Variants in RUBCNL observed in about 807,000 individuals in gnomAD.
RUBCNL encodes protein associated with UVRAG as autophagy enhancer.
A neutral mutation model predicts 69.5 loss-of-function variants in RUBCNL; 62 were observed. That is an observed-to-expected ratio of 0.89 (90% CI 0.73 to 1.10). The LOEUF is 1.10. Ranked by LOEUF, RUBCNL falls within the 50% of genes least tolerant of loss-of-function variation. The pLI is 0.00. For missense variants in RUBCNL, 768 were observed against 798.1 expected, an observed-to-expected ratio of 0.96 and a Z score of 0.45; for synonymous variants, 291 against 303.6, an observed-to-expected ratio of 0.96 and a Z score of 0.43.
At position 46,361,442 on chromosome 13, in the gene RUBCNL, A is replaced by G. The variant is rs746860019; in HGVS notation, c.1118T>C (p.Ile373Thr). The stretch of plus-strand genomic sequence containing the variant: ...AGGTCAATTTTTTTTGATACTTACT[A>G]TCGAGCCAGCTGCACTCAGGGAACC... ...LAGSLSAAGS[I>T]VVNEECVRKD... The change falls in exon 8 of 15, where the codon ATA (isoleucine) becomes ACA (threonine). Residue 373 changes from isoleucine (I) to threonine (T), a missense_variant and splice_region_variant. Coordinates refer to ENST00000429979, the MANE Select transcript of RUBCNL (RefSeq NM_025113.5). 4 of 1,613,502 alleles carry G rather than the reference A, an allele frequency of 2.5e-6. No individual in the cohort carries two copies. In the South Asian group the frequency reaches 3.3e-5, roughly 13 times the overall value.
At chr13:46,369,036 G>C (rs541571467) in intron 3 of RUBCNL, among the ~76,000 whole-genome samples, 1 of 152,276 alleles carries the variant, frequency 6.6e-6, no homozygotes, top group East Asian at 1.9e-4. Flanking sequence ...GGAGTAACTG[G>C]GAGGTATCCT....
At chr13:46,349,924 TCCG>T (rs1165756663) in intron 11 of RUBCNL, among the ~76,000 whole-genome samples, 186 bp downstream of exon 11, 2 of 151,994 alleles carry the variant, frequency 1.3e-5, no homozygotes, top group African/African-American at 4.8e-5. Context: ...CCTCAGGCAA[TCCG>T]CCCACCTTGG....
chr13:46,348,333 T>C (rs930417401), intron 12 of RUBCNL, among the ~76,000 whole-genome samples: 8 of 152,182 alleles, frequency 5.3e-5, no homozygotes, highest in African/African-American at 1.9e-4. Flanking sequence ...AGATGGTAAA[T>C]TTTATATGTA....
At position 46,335,164 on chromosome 13, in the gene RUBCNL, G is replaced by T. The variant is rs752117992; in HGVS notation, c.*8221C>A. On this transcript the variant is annotated 3_prime_UTR_variant, in exon 15 of 15. Coordinates refer to ENST00000429979, the MANE Select transcript of RUBCNL (RefSeq NM_025113.5). ...ACTACAGCCTCAAACTCCTGGGCTC[G>T]ATCGATCCTCCCACCTCAGCCTCCT... 1.3e-5 allele frequency among the ~76,000 whole-genome samples: 2 copies of T among 150,884 alleles called. No individual in the cohort carries two copies. Among genetic ancestry groups the T allele is most frequent in the East Asian group, 1.9e-4 (1 of 5,160 alleles).
At chr13:46,351,219 C>T (rs2048362493) in intron 10 of RUBCNL, among the ~76,000 whole-genome samples, 1 of 152,150 alleles carries the variant, frequency 6.6e-6, no homozygotes. Flanking sequence ...CATCATGTCA[C>T]TGCATTCCAT....
chr13:46,387,831 C>A (rs776074656), upstream of RUBCNL: 1 of 985,584 alleles, frequency 1.0e-6, no homozygotes, highest in Non-Finnish European at 1.2e-6. Flanking sequence ...GGAATCCCAT[C>A]ACGGGTGTGC....
chr13:46,387,435 G>T, upstream of RUBCNL: 13 of 985,400 alleles, frequency 1.3e-5, no homozygotes, highest in Non-Finnish European at 1.4e-5. Context: ...TCCTACACCG[G>T]TGCCGCGGCG....
intron 5 of RUBCNL, among the ~76,000 whole-genome samples, chr13:46,363,542 T>C (rs1463460237): frequency 1.3e-5 from 2 of 152,122 alleles, no homozygotes; most frequent in Non-Finnish European, 2.9e-5. Flanking sequence ...AATCACACGA[T>C]TAAATACTAT....
intron 9 of RUBCNL, among the ~76,000 whole-genome samples, chr13:46,357,927 G>C (rs1208445836): frequency 6.6e-6 from 1 of 152,138 alleles, no homozygotes; most frequent in South Asian, 2.1e-4. Context: ...CACTGTGCCC[G>C]GCCTGAGGGA....
At chr13:46,357,944 A>G (rs899326234) in intron 9 of RUBCNL, among the ~76,000 whole-genome samples, 1 of 152,154 alleles carries the variant, frequency 6.6e-6, no homozygotes, top group Admixed American at 6.5e-5. Flanking sequence ...GGGATTTTCT[A>G]TTGAACTGTT....
chr13:46,361,625 T>C, intron 7 of RUBCNL, 52 bp from the exon 8 acceptor site: 1 of 1,540,154 alleles, frequency 6.5e-7, no homozygotes, highest in East Asian at 2.4e-5. Context: ...GAGGAGTATG[T>C]TCAGGGTCTT....
intron 2 of RUBCNL, among the ~76,000 whole-genome samples, chr13:46,372,977 CT>C (rs113547115): frequency 3.4e-3 from 498 of 144,872 alleles, no homozygotes; most frequent in Admixed American, 3.2e-3. Context: ...TTCTTTCTTT[CT>C]TTTTTTTTTT....
In RUBCNL at chr13:46,345,531, GTCC is replaced by G; in HGVS notation, c.1698_1700del (p.Glu566del). On this transcript the variant is annotated inframe_deletion, in exon 13 of 15. Transcript: ENST00000429979. ...GCAGCCCTTTCTTGATCCTGACCAG[GTCC>G]TCAAGGGAGAACAGGTGGAGCTCAT... 6.2e-7 allele frequency: 1 copy of G among 1,612,862 alleles called. No homozygotes were observed.
Position 46,350,309 on chromosome 13 carries a change from T to A in RUBCNL, c.1373A>T (p.Tyr458Phe). Reference sequence around the variant, plus strand: ...ATATGAGTGGCAGCAGTCACAGAAATACTTCCCTAGGTATTCGCAGTACCG... The same window carrying A: ...ATATGAGTGGCAGCAGTCACAGAAAAACTTCCCTAGGTATTCGCAGTACCG... Reference protein sequence around the residue: ...RLRYCEYLGKYFCDCCHSYAE... With the variant: ...RLRYCEYLGKFFCDCCHSYAE... Residue 458 changes from tyrosine (Y) to phenylalanine (F), a missense_variant, in exon 11 of 15, where the codon TAT becomes TTT. By Grantham distance (22) the Tyr-to-Phe change is conservative (BLOSUM62 3). Transcript: ENST00000429979. 1.3e-6 allele frequency: 2 copies of A among 1,570,832 alleles called. No individual in the cohort carries two copies. Among genetic ancestry groups the A allele is most frequent in the Non-Finnish European group, 1.7e-6 (2 of 1,156,822 alleles).
rs866123788 is a variant in RUBCNL, at chr13:46,363,210, C to G, written c.830G>C (p.Cys277Ser). 1.3e-6 allele frequency: 2 copies of G among 1,495,532 alleles called. No individual in the cohort carries two copies. Among genetic ancestry groups the G allele is most frequent in the Admixed American group, 4.4e-5 (2 of 45,626 alleles). The allele number at this position is 1,495,532 out of a possible 1,614,324, so 92.6% of individuals were successfully genotyped here. The change falls in exon 6 of 15, where the codon TGT becomes TCT. Residue 277 changes from cysteine to serine, a missense_variant. Transcript: ENST00000429979. ...CACTGGGCTGACCTGTAACACAGCA[C>G]AACCTAGACAAAGAAAGGAAGGAGG... is the stretch of plus-strand genomic sequence containing the variant. ...STSSYSGYEG[C>S]AVLQVSPVTE...
chr13:46,359,266 C>T (rs959287989), intron 9 of RUBCNL, among the ~76,000 whole-genome samples: 2 of 151,418 alleles, frequency 1.3e-5, no homozygotes, highest in Admixed American at 1.3e-4. Flanking sequence ...GAATTCTCAA[C>T]TTGTCAAAAC....
upstream of RUBCNL, among the ~76,000 whole-genome samples, chr13:46,388,946 A>C (rs1483462708): frequency 6.6e-6 from 1 of 152,200 alleles, no homozygotes; most frequent in East Asian, 1.9e-4. Context: ...GCCTGTTTGG[A>C]GCATAGACCA....
intron 1 of RUBCNL, among the ~76,000 whole-genome samples, chr13:46,382,684 C>G (rs2049145068): frequency 6.6e-6 from 1 of 152,204 alleles, no homozygotes; most frequent in South Asian, 2.1e-4. Flanking sequence ...CAGGCGCCCA[C>G]CACCATGCCC....
chr13:46,334,935 T>C lies in RUBCNL; in HGVS notation c.*8450A>G, dbSNP rs1344223216. The stretch of plus-strand genomic sequence containing the variant: ...AGACTCACTGTACCCCAAAGGAAAG[T>C]GGGGGAAGATTTGGGGGTATACTAA... On this transcript the variant is annotated 3_prime_UTR_variant, in exon 15 of 15. Coordinates refer to ENST00000429979, the MANE Select transcript of RUBCNL (RefSeq NM_025113.5). Among the ~76,000 whole-genome samples the C allele has an allele frequency of 2.0e-5, 3 of 151,860 alleles. No homozygotes were observed. The highest frequency in any genetic ancestry group is 4.4e-5 in the Non-Finnish European group (3 of 67,966).
Sources: gnomAD v4.1 joint callset for allele counts (sites outside exome capture counted in the v4.1 genomes callset) on GRCh38, gnomAD v4.1.1 for gene constraint, MANE v1.5 for transcripts, NCBI Gene and HGNC (gene_info 2026-07-23, HGNC 2026-07-21) for gene names.